PRKCE: variants seen among roughly 807,000 people sequenced by gnomAD.
The protein encoded by PRKCE is protein kinase C epsilon.
A neutral mutation model predicts 85.4 loss-of-function variants in PRKCE; 16 were observed. The observed-to-expected ratio is 0.19, with a 90% CI of 0.13 to 0.28. The LOEUF (loss-of-function observed/expected upper bound fraction) is 0.28, where lower values mean the gene tolerates loss of function less well. PRKCE is among the 10% of genes least tolerant of loss of function. The pLI is 1.00. For missense variants in PRKCE, 573 were observed against 975.2 expected, an observed-to-expected ratio of 0.59 and a Z score of 5.49; for synonymous variants, 388 against 371.5, an observed-to-expected ratio of 1.04 and a Z score of -0.51.
At chr2:46,080,643 G>T (rs544446330) in intron 10 of PRKCE, among the ~76,000 whole-genome samples, 163 of 152,280 alleles carry the variant, frequency 1.1e-3, no homozygotes, top group African/African-American at 3.8e-3. Flanking sequence ...CTCCTCTCAT[G>T]GTGCTCCCTG....
intron 10 of PRKCE, among the ~76,000 whole-genome samples, chr2:46,017,105 T>G (rs1348553508): frequency 1.3e-5 from 2 of 151,990 alleles, no homozygotes; most frequent in Admixed American, 1.3e-4. Flanking sequence ...AGTGTACAGT[T>G]CAGTGGTATT....
At chr2:45,699,162 C>T (rs994686292) in intron 1 of PRKCE, among the ~76,000 whole-genome samples, 4 of 152,010 alleles carry the variant, frequency 2.6e-5, no homozygotes, top group Non-Finnish European at 4.4e-5. Context: ...CCCTCCTGTC[C>T]TCCTCCCTGT....
rs12466402 is a variant in PRKCE at position 45,946,898 on chromosome 2, G to A, written c.413-29531G>A. ...GTGCATATGTAAAGTCTCCTTGGGTGGGCTTGCCACAGCCAGGAGCTCCAA... is the reference window on the plus strand; with the variant it reads ...GTGCATATGTAAAGTCTCCTTGGGTAGGCTTGCCACAGCCAGGAGCTCCAA... On this transcript the variant is annotated intron_variant, in intron 2 of 14. Coordinates refer to ENST00000306156, the MANE Select transcript of PRKCE (RefSeq NM_005400.3). Among the ~76,000 whole-genome samples the A allele has an allele frequency of 5.8e-4, 89 of 152,160 alleles. 1 individual carries two copies. Among genetic ancestry groups the A allele is most frequent in the South Asian group, 4.4e-3 (21 of 4,820 alleles).
chr2:46,040,953 A>G (rs1439037735), intron 10 of PRKCE, among the ~76,000 whole-genome samples: 1 of 152,252 alleles, frequency 6.6e-6, no homozygotes, highest in African/African-American at 2.4e-5. Context: ...TAAAGCTGCC[A>G]TATGTACCAG....
intron 11 of PRKCE, among the ~76,000 whole-genome samples, chr2:46,136,062 C>T (rs915159955): frequency 1.3e-5 from 2 of 152,092 alleles, no homozygotes; most frequent in African/African-American, 4.8e-5. Context: ...CCAAAACAAG[C>T]AGGATTTCTT....
At chr2:45,955,889 C>A (rs1220184997) in intron 2 of PRKCE, among the ~76,000 whole-genome samples, 1 of 152,120 alleles carries the variant, frequency 6.6e-6, no homozygotes, top group Admixed American at 6.5e-5. Context: ...AGTCGTATAA[C>A]CATTATCGCA....
chr2:45,788,232 C>A (rs1366368081), intron 1 of PRKCE, among the ~76,000 whole-genome samples: 1 of 152,136 alleles, frequency 6.6e-6, no homozygotes, highest in Non-Finnish European at 1.5e-5. Context: ...ACTACACTTA[C>A]CTTTTATTAT....
chr2:45,935,260 A>T (rs1474396974), intron 2 of PRKCE, among the ~76,000 whole-genome samples: 1 of 152,204 alleles, frequency 6.6e-6, no homozygotes, highest in African/African-American at 2.4e-5. Flanking sequence ...AAGTACATAC[A>T]TCTTTTCTTT....
intron 2 of PRKCE, among the ~76,000 whole-genome samples, chr2:45,939,923 G>T (rs748087042): frequency 6.6e-6 from 1 of 152,170 alleles, no homozygotes; most frequent in Non-Finnish European, 1.5e-5. Context: ...TGAGATGTGG[G>T]TGTAACCCAG....
chr2:45,890,435 G>C (rs1007095248), intron 2 of PRKCE, among the ~76,000 whole-genome samples: 1 of 152,018 alleles, frequency 6.6e-6, no homozygotes, highest in East Asian at 1.9e-4. Flanking sequence ...ACTGGATTGC[G>C]GTGGTGTGAT....
At position 46,169,968 on chromosome 2, in the gene PRKCE, C is replaced by A. The variant is rs1351498503; in HGVS notation, c.2067+10216C>A. On this transcript the variant is annotated intron_variant, in intron 14 of 14. Coordinates refer to ENST00000306156, the MANE Select transcript of PRKCE (RefSeq NM_005400.3). ...GAGAAATTCACTCAATCTCTCTGCT[C>A]CTTTCCTGTAAAATGAGGGACTTAA... Among the ~76,000 whole-genome samples, 3 of 152,164 alleles carry A rather than the reference C, an allele frequency of 2.0e-5. No individual in the cohort carries two copies. In the East Asian group the frequency reaches 5.8e-4, roughly 29 times the overall value.
At chr2:45,710,978 C>T (rs1679580781) in intron 1 of PRKCE, among the ~76,000 whole-genome samples, 1 of 152,214 alleles carries the variant, frequency 6.6e-6, no homozygotes, top group African/African-American at 2.4e-5. Context: ...AAACATATTC[C>T]ATCTGATCTC....
chr2:45,994,012 G>A (rs374213435), intron 6 of PRKCE, among the ~76,000 whole-genome samples: 1 of 151,936 alleles, frequency 6.6e-6, no homozygotes, highest in Admixed American at 6.6e-5. Context: ...AGGCTGGTCT[G>A]GGGGGGCTCT....
In PRKCE at chr2:45,959,095, G is replaced by C. The variant is rs149255984; in HGVS notation, c.413-17334G>C. Reference sequence around the variant, plus strand: ...GCTAGAAATCAACTGGAGTTCTCATGAGCTGAAAATAGGGAGAATAATATC... The same window carrying C: ...GCTAGAAATCAACTGGAGTTCTCATCAGCTGAAAATAGGGAGAATAATATC... On this transcript the variant is annotated intron_variant, in intron 2 of 14. Transcript: ENST00000306156. Among the ~76,000 whole-genome samples, 149 of 151,826 alleles carry C rather than the reference G, an allele frequency of 9.8e-4. 1 individual carries two copies. Among genetic ancestry groups the C allele is most frequent in the African/African-American group, 3.6e-3 (148 of 41,400 alleles).
chr2:45,816,153 C>G (rs1181458289), intron 1 of PRKCE, among the ~76,000 whole-genome samples: 1 of 152,176 alleles, frequency 6.6e-6, no homozygotes, highest in Non-Finnish European at 1.5e-5. Flanking sequence ...TCCCTACAGT[C>G]ATCAAGGCCT....
chr2:46,074,007 G>A (rs555318903), intron 10 of PRKCE: 1 of 152,076 alleles, frequency 6.6e-6, no homozygotes, highest in Non-Finnish European at 1.5e-5. Flanking sequence ...AGGTAAGAGG[G>A]GGCAGCTTTT....
chr2:46,140,995 C>T (rs1023417002), intron 11 of PRKCE, among the ~76,000 whole-genome samples: 7 of 151,602 alleles, frequency 4.6e-5, no homozygotes, highest in Admixed American at 3.9e-4. Context: ...GATAATATAC[C>T]ATGTTGGGAA....
chr2:46,162,696 A>G (rs17034669), intron 14 of PRKCE, among the ~76,000 whole-genome samples: 2,040 of 152,290 alleles, frequency 0.013, 33 homozygotes, highest in African/African-American at 0.047. Context: ...AGTAATGTTG[A>G]TCCTTAGAGA....
intron 10 of PRKCE, among the ~76,000 whole-genome samples, chr2:46,057,333 C>G (rs192440273): frequency 3.3e-5 from 5 of 152,308 alleles, no homozygotes; most frequent in African/African-American, 1.2e-4. Context: ...TTCTTCTTCC[C>G]ACCTATTCCC....
Sources: allele counts gnomAD v4.1 joint callset (sites outside exome capture counted in the v4.1 genomes callset), GRCh38; gene constraint gnomAD v4.1.1; transcripts MANE v1.5; gene names NCBI Gene and HGNC (gene_info 2026-07-23, HGNC 2026-07-21).